The following TNFRSF11A variants were observed in gnomAD, a reference collection of about 807,000 sequenced individuals.
TNFRSF11A encodes the protein TNF receptor superfamily member 11a, also known as tumor necrosis factor receptor superfamily member 11A.
A neutral mutation model predicts 55.7 loss-of-function variants in TNFRSF11A; 32 were observed. The observed-to-expected ratio is 0.57, with a 90% confidence interval of 0.43 to 0.77. The LOEUF (loss-of-function observed/expected upper bound fraction) is 0.77, where lower values mean the gene tolerates loss of function less well. TNFRSF11A is among the 30% of genes least tolerant of loss of function. TNFRSF11A has a pLI of 0.00. For missense variants in TNFRSF11A, 753 were observed against 809.8 expected (o/e 0.93, Z 0.85); for synonymous variants, 311 against 331.0 (o/e 0.94, Z 0.65).
chr18:62,359,723 C>A (rs530199665), intron 5 of TNFRSF11A, among the ~76,000 whole-genome samples: 2 of 152,156 alleles, frequency 1.3e-5, no homozygotes, highest in African/African-American at 4.8e-5. Context: ...CTTTGCTGAC[C>A]GCAATCTCAG....
intron 1 of TNFRSF11A, among the ~76,000 whole-genome samples, chr18:62,338,040 C>A (rs555947541): frequency 3.3e-5 from 5 of 152,116 alleles, no homozygotes; most frequent in Non-Finnish European, 7.4e-5. Context: ...ACACAGGTGG[C>A]CAATAAGCAC....
chr18:62,362,490 C>CAAA (rs57219485), intron 7 of TNFRSF11A, among the ~76,000 whole-genome samples: 106 of 75,832 alleles, frequency 1.4e-3, no homozygotes, highest in East Asian at 4.1e-3. Context: ...AACTTCATCT[C>CAAA]AAAAAAAAAA....
At position 62,369,031 on chromosome 18, in the gene TNFRSF11A, C is replaced by A; in HGVS notation, c.1114C>A (p.Pro372Thr). 6.2e-7 allele frequency: 1 copy of A among 1,614,232 alleles called. No individual in the cohort carries two copies. The highest frequency in any genetic ancestry group is 1.7e-5 in the Admixed American group (1 of 60,034). Reference sequence around the variant, plus strand: ...CACTGAGCCTGGAAGCAAATCCACACCTCCTTTCTCTGAACCCCTGGAGGT... The same window carrying A: ...CACTGAGCCTGGAAGCAAATCCACAACTCCTTTCTCTGAACCCCTGGAGGT... ...FLTEPGSKST[P>T]PFSEPLEVGE... The change falls in exon 9 of 10, where the codon CCT becomes ACT. Residue 372 changes from proline to threonine, a missense_variant. By Grantham distance (38) the Pro-to-Thr change is conservative. Transcript: ENST00000586569.
At chr18:62,376,678 A>G (rs1379798332) in intron 9 of TNFRSF11A, among the ~76,000 whole-genome samples, 2 of 152,080 alleles carry the variant, frequency 1.3e-5, no homozygotes, top group South Asian at 2.1e-4. Context: ...TGCATCCACC[A>G]TGATAGTCTC....
intron 1 of TNFRSF11A, among the ~76,000 whole-genome samples, chr18:62,335,159 G>C (rs1023396751): frequency 8.6e-6 from 1 of 115,716 alleles, no homozygotes; most frequent in Non-Finnish European, 2.2e-5. Flanking sequence ...ACCCAGGCTG[G>C]AGTGCAGTGG....
chr18:62,327,533 G>A (rs2046093241), intron 1 of TNFRSF11A, among the ~76,000 whole-genome samples: 1 of 152,134 alleles, frequency 6.6e-6, no homozygotes, highest in Non-Finnish European at 1.5e-5. Flanking sequence ...GAGATACTGT[G>A]GTTATCTAGG....
At position 62,389,143 on chromosome 18, in the gene TNFRSF11A, G is replaced by A. The variant is rs2145415790; in HGVS notation, c.*4109G>A. 6.6e-6 allele frequency: 1 copy of A among 152,412 alleles called. No homozygotes were observed. Among genetic ancestry groups the A allele is most frequent in the Non-Finnish European group, 1.5e-5 (1 of 68,116 alleles). The allele number at this position is 152,412 out of a possible 1,614,324, so 9.4% of individuals were successfully genotyped here. On this transcript the variant is annotated 3_prime_UTR_variant, in exon 10 of 10. Coordinates refer to ENST00000586569, the MANE Select transcript of TNFRSF11A (RefSeq NM_003839.4). ...TTTATTGAGTGTGCTTTTAGTGGCA[G>A]GGCCCTGAGCACCTGGGAAAGGAGA...
At chr18:62,367,792 T>G (rs1337355353) in intron 8 of TNFRSF11A, among the ~76,000 whole-genome samples, 3 of 133,744 alleles carry the variant, frequency 2.2e-5, no homozygotes. Context: ...CTTCTTCTTT[T>G]TTTTTTTTTT....
chr18:62,381,094 G>A (rs900016416), intron 9 of TNFRSF11A, among the ~76,000 whole-genome samples: 16 of 152,298 alleles, frequency 1.1e-4, no homozygotes, highest in South Asian at 6.2e-4. Flanking sequence ...GTCAGCCACC[G>A]CGCTTAGTTC....
chr18:62,356,332 G>A (rs1286573788), intron 4 of TNFRSF11A, among the ~76,000 whole-genome samples: 2 of 152,158 alleles, frequency 1.3e-5, no homozygotes, highest in East Asian at 3.8e-4. Flanking sequence ...AACCAGATGT[G>A]CTTTCTCTTA....
At chr18:62,377,457 G>A (rs939789722) in intron 9 of TNFRSF11A, among the ~76,000 whole-genome samples, 1 of 152,172 alleles carries the variant, frequency 6.6e-6, no homozygotes, top group African/African-American at 2.4e-5. Context: ...TTTGTAAGAA[G>A]TCATCAAACT....
rs189031561 is a variant in TNFRSF11A at position 62,339,892 on chromosome 18, C to T, written c.76-8276C>T. On this transcript the variant is annotated intron_variant, in intron 1 of 9. Coordinates refer to ENST00000586569, the MANE Select transcript of TNFRSF11A (RefSeq NM_003839.4). Reference sequence around the variant, plus strand: ...TATGTGTGTGGGGAGAGGACTGATTCGTTATTTGTAATTTTCAGTGAGACC... The same window carrying T: ...TATGTGTGTGGGGAGAGGACTGATTTGTTATTTGTAATTTTCAGTGAGACC... Among the ~76,000 whole-genome samples the T allele has an allele frequency of 1.4e-4, 21 of 152,202 alleles. No homozygotes were observed. In the East Asian group the frequency reaches 3.7e-3, roughly 27 times the overall value.
intron 7 of TNFRSF11A, among the ~76,000 whole-genome samples, chr18:62,364,431 G>A (rs1005569049): frequency 2.6e-5 from 4 of 152,142 alleles, no homozygotes; most frequent in Non-Finnish European, 2.9e-5. Context: ...TCTGGCTTTA[G>A]AGTAGCAAAC....
chr18:62,363,770 T>C (rs890979970), intron 7 of TNFRSF11A, among the ~76,000 whole-genome samples: 2 of 152,246 alleles, frequency 1.3e-5, no homozygotes, highest in Admixed American at 6.5e-5. Context: ...GGATAATGCA[T>C]GTTCAGATGA....
At chr18:62,377,195 G>C (rs750711368) in intron 9 of TNFRSF11A, among the ~76,000 whole-genome samples, 1 of 152,180 alleles carries the variant, frequency 6.6e-6, no homozygotes, top group African/African-American at 2.4e-5. Context: ...GATTATAGGC[G>C]TGAGCCACCG....
chr18:62,384,262 TCTC>T (rs933466663), intron 9 of TNFRSF11A, among the ~76,000 whole-genome samples: 5 of 149,924 alleles, frequency 3.3e-5, no homozygotes, highest in East Asian at 2.0e-4. Context: ...CTGTTCCTCC[TCTC>T]CTCCTCCTCC....
Position 62,390,727 on chromosome 18 carries a change from T to C in TNFRSF11A, c.*5693T>C, listed in dbSNP as rs1284765754. 1.3e-5 allele frequency: 2 copies of C among 152,200 alleles called. No homozygotes were observed. The highest frequency in any genetic ancestry group is 3.8e-4 in the East Asian group (2 of 5,204). The allele number at this position is 152,200 out of a possible 1,614,324, so 9.4% of individuals were successfully genotyped here. On this transcript the variant is annotated 3_prime_UTR_variant, in exon 10 of 10. Coordinates refer to ENST00000586569, the MANE Select transcript of TNFRSF11A (RefSeq NM_003839.4). ...ACCCTAAAATGAAGAAGCAAATCCA[T>C]TTTTATTGGCTTTTATAGCCTCTCT...
intron 1 of TNFRSF11A, among the ~76,000 whole-genome samples, chr18:62,347,903 A>G (rs1172435293): frequency 2.1e-4 from 1 of 4,790 alleles, no homozygotes; most frequent in Admixed American, 1.6e-3. Flanking sequence ...GACTCTGTCT[A>G]AAAAAAAAAA....
chr18:62,368,554 T>C, intron 8 of TNFRSF11A, 147 bp from the exon 9 acceptor site: 1 of 821,954 alleles, frequency 1.2e-6, no homozygotes, highest in South Asian at 1.6e-5. Context: ...TAATTTGAAA[T>C]AACACAAAGT....
Sources: allele counts gnomAD v4.1 joint callset (sites outside exome capture counted in the v4.1 genomes callset), GRCh38; gene constraint gnomAD v4.1.1; transcripts MANE v1.5; gene names NCBI Gene and HGNC (gene_info 2026-07-23, HGNC 2026-07-21).